ZDHHC22: variants seen among roughly 807,000 people sequenced by gnomAD.
ZDHHC22 encodes the protein zDHHC palmitoyltransferase 22.
Under a neutral mutation model 17.0 loss-of-function variants are expected in ZDHHC22, and 13 were observed. The ratio of observed to expected loss-of-function variants is 0.76; its 90% CI spans 0.50 to 1.21. The LOEUF (loss-of-function observed/expected upper bound fraction) is 1.21. Ranked by LOEUF, ZDHHC22 falls within the 50% of genes most tolerant of loss-of-function variation. The probability of loss-of-function intolerance (pLI) is 0.00; values close to 1 mark genes in which losing one functional copy is unlikely to be tolerated. For missense variants in ZDHHC22, 319 were observed against 342.3 expected (o/e 0.93, Z 0.54); for synonymous variants, 138 against 154.7 (o/e 0.89, Z 0.80).
At chr14:77,139,834 C>A in intron 1 of ZDHHC22, 82 bp from the exon 2 acceptor site, 1 of 1,356,550 alleles carries the variant, frequency 7.4e-7, no homozygotes, top group Non-Finnish European at 9.8e-7. Flanking sequence ...TGCCGCGCGT[C>A]TGGGGCACTG....
chr14:77,135,569 C>T (rs1887121654), intron 2 of ZDHHC22, among the ~76,000 whole-genome samples: 2 of 152,140 alleles, frequency 1.3e-5, no homozygotes, highest in Admixed American at 6.5e-5. Flanking sequence ...GGACAGGGCT[C>T]ACATTGGGCT....
In ZDHHC22 at chr14:77,133,578, C is replaced by A. The variant is rs142698447; in HGVS notation, c.*105G>T. 450 of 1,459,218 alleles carry A rather than the reference C, an allele frequency of 3.1e-4. 2 individuals carry two copies. In the African/African-American group the frequency reaches 5.7e-3, roughly 19 times the overall value. 90.4% of individuals were successfully genotyped at this position (1,459,218 alleles called of 1,614,324 possible). On this transcript the variant is annotated 3_prime_UTR_variant, in exon 3 of 3. Transcript: ENST00000319374. ...GTGAGGGGAAGATGCTAGGACCTTA[C>A]CAGCACAAGGTTGTAGTGAGTCATG...
intron 1 of ZDHHC22, chr14:77,141,074 G>C (rs1214701280): frequency 6.6e-6 from 1 of 152,392 alleles, no homozygotes; most frequent in Non-Finnish European, 1.5e-5. Context: ...CGCAGCCTCC[G>C]CGGAGAGCGT....
At position 77,131,846 on chromosome 14, in the gene ZDHHC22, C is replaced by T. The variant is rs912847177; in HGVS notation, c.*1837G>A. On this transcript the variant is annotated 3_prime_UTR_variant, in exon 3 of 3. Coordinates refer to ENST00000319374, the MANE Select transcript of ZDHHC22 (RefSeq NM_174976.2). ...GAAGAGGCTGGGAACGTAGTTGGCA[C>T]TCAATAAATATACGTAGGATGGATG... is the stretch of plus-strand genomic sequence containing the variant. 1 of 152,294 alleles carries T rather than the reference C, an allele frequency of 6.6e-6. No individual in the cohort carries two copies. Among genetic ancestry groups the T allele is most frequent in the African/African-American group, 2.4e-5 (1 of 41,550 alleles). 9.4% of individuals were successfully genotyped at this position (152,294 alleles called of 1,614,324 possible).
Position 77,133,895 on chromosome 14 carries a change from C to A in ZDHHC22, c.580G>T (p.Ala194Ser). The change falls in exon 3 of 3, where the codon GCC becomes TCC. Residue 194 changes from alanine (A) to serine (S), a missense_variant. Transcript: ENST00000319374. ...AAGCCGGCGCAGGCCAGGCCGATGG[C>A]GAACCAGAGGTAGAGCATGAGGATG... ...FVILMLYLWF[A>S]IGLACAGFCC... 1.2e-6 allele frequency: 2 copies of A among 1,611,822 alleles called. No homozygotes were observed. The highest frequency in any genetic ancestry group is 1.1e-5 in the South Asian group (1 of 90,744).
chr14:77,142,036 G>A (rs1594832785), upstream of ZDHHC22: 1 of 152,574 alleles, frequency 6.6e-6, no homozygotes, highest in East Asian at 1.9e-4. Flanking sequence ...TCTCGGCTAG[G>A]TCCCACGACC....
chr14:77,139,706 G>C lies in ZDHHC22; in HGVS notation c.33C>G (p.Ala11=). Residue 11 remains alanine, a synonymous_variant, in exon 2 of 3, where the codon GCC becomes GCG. Transcript: ENST00000319374. MLALRLLNVV[A]PAYFLCISLV... is the part of the protein sequence containing the mutation. ...GGGAGATGCACAAGAAGTAGGCGGG[G>C]GCCACCACGTTGAGCAGCCGCAGGG... The C allele has an allele frequency of 6.6e-7, 1 of 1,523,778 alleles. No individual in the cohort carries two copies. Among genetic ancestry groups the C allele is most frequent in the Non-Finnish European group, 8.8e-7 (1 of 1,136,056 alleles). The allele number at this position is 1,523,778 out of a possible 1,614,324, so 94.4% of individuals were successfully genotyped here.
rs1887258211 is a variant in ZDHHC22, at chr14:77,141,614, C to A, written c.-26G>T. ...GGAAATCAACTCACCGAGCTCTGGTCGCCGACAAGAGGAGCCCCGGACGCC... is the reference window on the plus strand; with the variant it reads ...GGAAATCAACTCACCGAGCTCTGGTAGCCGACAAGAGGAGCCCCGGACGCC... On this transcript the variant is annotated 5_prime_UTR_variant, in exon 1 of 3. Coordinates refer to ENST00000319374, the MANE Select transcript of ZDHHC22 (RefSeq NM_174976.2). 1 of 153,134 alleles carries A rather than the reference C, an allele frequency of 6.5e-6. No individual in the cohort carries two copies. Among genetic ancestry groups the A allele is most frequent in the South Asian group, 1.8e-4 (1 of 5,546 alleles). The allele number at this position is 153,134 out of a possible 1,614,324, so 9.5% of individuals were successfully genotyped here.
chr14:77,138,125 G>A (rs1046875995), intron 2 of ZDHHC22, among the ~76,000 whole-genome samples: 1 of 152,202 alleles, frequency 6.6e-6, no homozygotes, highest in Admixed American at 6.5e-5. Context: ...AGAGTCAAAG[G>A]CCAGGGTAGG....
Position 77,139,373 on chromosome 14 carries a change from G to C in ZDHHC22, c.366C>G (p.Asn122Lys), listed in dbSNP as rs757491690. Reference sequence around the variant, plus strand: ...GGCAGAACAGGACGAAGTTGCGCATGTTCCTGCTGCCGATGCAGTTGCCGG... The same window carrying C: ...GGCAGAACAGGACGAAGTTGCGCATCTTCCTGCTGCCGATGCAGTTGCCGG... ...FFTGNCIGSR[N>K]MRNFVLFCLY... The change falls in exon 2 of 3, where the codon AAC becomes AAG. Residue 122 changes from asparagine to lysine, a missense_variant. Transcript: ENST00000319374. 50 of 1,604,390 alleles carry C rather than the reference G, an allele frequency of 3.1e-5. 1 individual carries two copies. The Admixed American group carries it at 7.9e-4, about 25-fold the overall frequency.
intron 1 of ZDHHC22, 65 bp from the exon 2 acceptor site, chr14:77,139,817 T>G (rs1262360527): frequency 1.4e-6 from 2 of 1,424,606 alleles, no homozygotes; most frequent in African/African-American, 2.9e-5. Context: ...CCTCGCCCGC[T>G]CCTCCGTGCC....
At chr14:77,136,899 T>C (rs1887147193) in intron 2 of ZDHHC22, among the ~76,000 whole-genome samples, 1 of 152,198 alleles carries the variant, frequency 6.6e-6, no homozygotes, top group Non-Finnish European at 1.5e-5. Context: ...GCCTCCTGAG[T>C]AGCTGGGAAA....
In ZDHHC22 at chr14:77,133,529, T is replaced by G; in HGVS notation, c.*154A>C. On this transcript the variant is annotated 3_prime_UTR_variant, in exon 3 of 3. Coordinates refer to ENST00000319374, the MANE Select transcript of ZDHHC22 (RefSeq NM_174976.2). The stretch of plus-strand genomic sequence containing the variant: ...TTCCTCCTTGTCATGATCCACCAGC[T>G]CACGCTGTTCTCATGGGTGGAAGGT... 1 of 1,057,668 alleles carries G rather than the reference T, an allele frequency of 9.5e-7. No individual in the cohort carries two copies. The highest frequency in any genetic ancestry group is 1.3e-6 in the Non-Finnish European group (1 of 763,646). 65.5% of individuals were successfully genotyped at this position (1,057,668 alleles called of 1,614,324 possible). A position where few individuals can be genotyped will look rare whatever the true frequency, so the allele number is the denominator to read the frequency against.
Position 77,139,760 on chromosome 14 carries a change from GC to G in ZDHHC22, c.-14-9del. Reference sequence around the variant, plus strand: ...GCATCCTCGATTACATTCCTGCGGGGCCCGGGGTGAGAAGAGGACTGACTGA... The same window carrying G: ...GCATCCTCGATTACATTCCTGCGGGGCCGGGGTGAGAAGAGGACTGACTGA... On this transcript the variant is annotated splice_polypyrimidine_tract_variant and intron_variant, in intron 1 of 2. Coordinates refer to ENST00000319374, the MANE Select transcript of ZDHHC22 (RefSeq NM_174976.2). 6.8e-7 allele frequency: 1 copy of G among 1,469,972 alleles called. No individual in the cohort carries two copies. The highest frequency in any genetic ancestry group is 9.0e-7 in the Non-Finnish European group (1 of 1,110,366). 91.1% of individuals were successfully genotyped at this position (1,469,972 alleles called of 1,614,324 possible). A position where few individuals can be genotyped will look rare whatever the true frequency, so the allele number is the denominator to read the frequency against.
chr14:77,135,610 C>T (rs907293692), intron 2 of ZDHHC22, among the ~76,000 whole-genome samples: 23 of 152,164 alleles, frequency 1.5e-4, no homozygotes, highest in Admixed American at 8.5e-4. Context: ...TCTTCCATGT[C>T]GGCACAGATT....
Position 77,133,731 on chromosome 14 carries a change from G to C in ZDHHC22, c.744C>G (p.Val248=). 6.2e-7 allele frequency: 1 copy of C among 1,613,968 alleles called. No individual in the cohort carries two copies. The highest frequency in any genetic ancestry group is 8.5e-7 in the Non-Finnish European group (1 of 1,179,880). ...FGKRWLLGLL[V]PMFNVGSESS... is the part of the protein sequence containing the mutation. ...TCTCACTTCCGACATTGAACATGGG[G>C]ACCAGCAGGCCCAGCAGCCACCTCT... Residue 248 remains valine, a synonymous_variant, in exon 3 of 3, where the codon GTC becomes GTG. Coordinates refer to ENST00000319374, the MANE Select transcript of ZDHHC22 (RefSeq NM_174976.2).
rs149550593 is a variant in ZDHHC22 at position 77,135,629 on chromosome 14, C to T, written c.527-1681G>A. On this transcript the variant is annotated intron_variant, in intron 2 of 2. Transcript: ENST00000319374. ...CCATGTCGGCACAGATTAGCTTGGG[C>T]AGCCATGTGGGGGATGGAGGATCCC... is the stretch of plus-strand genomic sequence containing the variant. Among the ~76,000 whole-genome samples, 902 of 152,312 alleles carry T rather than the reference C, an allele frequency of 5.9e-3. 10 individuals are homozygous for T. The highest frequency in any genetic ancestry group is 0.021 in the African/African-American group (856 of 41,572).
chr14:77,132,814 T>TCACACACACACACA lies in ZDHHC22; in HGVS notation c.*868_*869insTGTGTGTGTGTGTG, dbSNP rs1423066568. 2.6e-5 allele frequency: 2 copies of TCACACACACACACA among 76,602 alleles called. No individual in the cohort carries two copies. The highest frequency in any genetic ancestry group is 1.4e-4 in the Admixed American group (1 of 6,922). The allele number at this position is 76,602 out of a possible 1,614,324, so 4.7% of individuals were successfully genotyped here. ...CACCACCCATCTCTCTCTCTCTCTCTCTCACACACACACACACACACACAC... is the reference window on the plus strand; with the variant it reads ...CACCACCCATCTCTCTCTCTCTCTCTCACACACACACACACTCACACACACACACACACACACAC... On this transcript the variant is annotated 3_prime_UTR_variant, in exon 3 of 3. Coordinates refer to ENST00000319374, the MANE Select transcript of ZDHHC22 (RefSeq NM_174976.2).
rs2140049387 is a variant in ZDHHC22 at position 77,133,965 on chromosome 14, G to A, written c.527-17C>T. On this transcript the variant is annotated splice_polypyrimidine_tract_variant and intron_variant, in intron 2 of 2. Transcript: ENST00000319374. ...GGACAGCTCCTGCAGGGCACGGGGA[G>A]GGGAAACACCAGAGCCGCTTTACAC... is the stretch of plus-strand genomic sequence containing the variant. 6.5e-7 allele frequency: 1 copy of A among 1,547,912 alleles called. No individual in the cohort carries two copies. Among genetic ancestry groups the A allele is most frequent in the East Asian group, 2.3e-5 (1 of 44,224 alleles).
Sources: gnomAD v4.1 joint callset for allele counts (sites outside exome capture counted in the v4.1 genomes callset) on GRCh38, gnomAD v4.1.1 for gene constraint, MANE v1.5 for transcripts, NCBI Gene and HGNC (gene_info 2026-07-23, HGNC 2026-07-21) for gene names.